The following ARHGEF38 variants were observed in gnomAD, a reference collection of about 807,000 sequenced individuals.
ARHGEF38 encodes Rho guanine nucleotide exchange factor (GEF) 38.
In ARHGEF38, 79 loss-of-function variants were observed where a neutral mutation model predicts 79.9. That is an observed-to-expected ratio of 0.99 (90% confidence interval 0.82 to 1.19). The LOEUF (loss-of-function observed/expected upper bound fraction) is 1.19. Among genes scored for constraint, ARHGEF38 ranks in the 50% most tolerant of loss-of-function variants. The pLI, the probability that ARHGEF38 is intolerant of heterozygous loss-of-function variation, is 0.00. For missense variants in ARHGEF38, 962 were observed against 907.2 expected (o/e 1.06, Z -0.78); for synonymous variants, 366 against 328.3 (o/e 1.11, Z -1.24).
At chr4:105,585,165 C>T (rs1454268537) in intron 1 of ARHGEF38, among the ~76,000 whole-genome samples, 2 of 87,774 alleles carry the variant, frequency 2.3e-5, no homozygotes, top group African/African-American at 5.5e-5. Flanking sequence ...GAGAAAGTAA[C>T]CCTATTTTTC....
intron 1 of ARHGEF38, among the ~76,000 whole-genome samples, chr4:105,560,649 G>C (rs1725472620): frequency 6.6e-6 from 1 of 152,132 alleles, no homozygotes; most frequent in African/African-American, 2.4e-5. Flanking sequence ...CTTGATTAAT[G>C]AATCAGAGAA....
chr4:105,598,542 T>C (rs1280182178), intron 2 of ARHGEF38, among the ~76,000 whole-genome samples: 1 of 152,236 alleles, frequency 6.6e-6, no homozygotes, highest in Non-Finnish European at 1.5e-5. Flanking sequence ...GAAAATGTTA[T>C]ACTCTTGCTG....
chr4:105,615,204 G>A (rs1266369177), intron 3 of ARHGEF38, among the ~76,000 whole-genome samples: 1 of 152,118 alleles, frequency 6.6e-6, no homozygotes. Flanking sequence ...TGCAGAGTAG[G>A]GACTGGCAGC....
chr4:105,637,426 T>C (rs1161525990), intron 5 of ARHGEF38, among the ~76,000 whole-genome samples: 1 of 152,128 alleles, frequency 6.6e-6, no homozygotes, highest in African/African-American at 2.4e-5. Context: ...TTTTCCTTTC[T>C]TTTTTCAAAA....
At position 105,552,929 on chromosome 4, in the gene ARHGEF38, C is replaced by A. The variant is rs1374498799; in HGVS notation, c.164C>A (p.Ser55Tyr). ...DHSGTLRRSQSDRTEYNQKLQ... is the reference protein window; with the variant it reads ...DHSGTLRRSQYDRTEYNQKLQ... ...TCTGGCACCTTGAGGAGGAGCCAAT[C>A]TGACAGGACCGAATACAACCAGAAA... Residue 55 changes from serine (S) to tyrosine (Y), a missense_variant, in exon 1 of 14, where the codon TCT becomes TAT. Coordinates refer to ENST00000420470, the MANE Select transcript of ARHGEF38 (RefSeq NM_001242729.2). 6.2e-7 allele frequency: 1 copy of A among 1,612,540 alleles called. No homozygotes were observed.
intron 13 of ARHGEF38, among the ~76,000 whole-genome samples, chr4:105,677,175 T>G (rs780468259): frequency 6.6e-5 from 10 of 152,076 alleles, no homozygotes; most frequent in Non-Finnish European, 1.2e-4. Flanking sequence ...ACGTTGGTCA[T>G]GCTGGTCTTG....
Position 105,677,983 on chromosome 4 carries a change from C to G in ARHGEF38, c.*46C>G. ...TATTTTCCAGCAAGTTGTTGATTGA[C>G]TACCTCATAAAACTGACATTACAAA... On this transcript the variant is annotated 3_prime_UTR_variant, in exon 14 of 14. Transcript: ENST00000420470. 1.4e-6 allele frequency: 2 copies of G among 1,438,326 alleles called. No homozygotes were observed. Among genetic ancestry groups the G allele is most frequent in the South Asian group, 2.8e-5 (2 of 70,486 alleles). 89.1% of individuals were successfully genotyped at this position (1,438,326 alleles called of 1,614,324 possible). A position where few individuals can be genotyped will look rare whatever the true frequency, so the allele number is the denominator to read the frequency against.
chr4:105,560,033 C>T (rs1430942134), intron 1 of ARHGEF38, among the ~76,000 whole-genome samples: 1 of 152,062 alleles, frequency 6.6e-6, no homozygotes, highest in East Asian at 1.9e-4. Context: ...AACTAGTTGA[C>T]TCAGTAGGTA....
intron 4 of ARHGEF38, chr4:105,631,577 G>T (rs545348957): frequency 1.0e-6 from 1 of 985,252 alleles, no homozygotes; most frequent in African/African-American, 1.7e-5. Context: ...TGGTGGGGGA[G>T]CTACACAATG....
intron 2 of ARHGEF38, among the ~76,000 whole-genome samples, chr4:105,613,148 A>G (rs1728367009): frequency 1.3e-5 from 2 of 152,174 alleles, no homozygotes; most frequent in African/African-American, 4.8e-5. Context: ...GAATATATAG[A>G]TGTATGTTTG....
chr4:105,626,246 C>T lies in ARHGEF38; in HGVS notation c.509-4652C>T, dbSNP rs116307431. Among the ~76,000 whole-genome samples the T allele has an allele frequency of 2.5e-3, 379 of 152,314 alleles. 3 individuals are homozygous for T. The highest frequency in any genetic ancestry group is 8.9e-3 in the African/African-American group (369 of 41,578). ...CCATCAGTGTCTACACCCACATGGT[C>T]ACTTAAACCACAATTCTGGGATATG... On this transcript the variant is annotated intron_variant, in intron 3 of 13. Transcript: ENST00000420470.
At chr4:105,580,294 T>C (rs1039513359) in intron 1 of ARHGEF38, among the ~76,000 whole-genome samples, 1 of 152,180 alleles carries the variant, frequency 6.6e-6, no homozygotes, top group African/African-American at 2.4e-5. Flanking sequence ...TTAGCTCTTT[T>C]ATTTGTGATG....
chr4:105,565,386 A>G (rs1725837081), intron 1 of ARHGEF38, among the ~76,000 whole-genome samples: 1 of 152,222 alleles, frequency 6.6e-6, no homozygotes, highest in Non-Finnish European at 1.5e-5. Flanking sequence ...TTTAAACGAT[A>G]AAAGATTTTA....
At chr4:105,591,500 A>T (rs1727337458) in intron 2 of ARHGEF38, among the ~76,000 whole-genome samples, 1 of 152,220 alleles carries the variant, frequency 6.6e-6, no homozygotes, top group East Asian at 1.9e-4. Context: ...AAGTGCTGGG[A>T]TTACAGGCGT....
intron 1 of ARHGEF38, among the ~76,000 whole-genome samples, chr4:105,554,392 T>C (rs1481328517): frequency 6.6e-6 from 1 of 152,186 alleles, no homozygotes; most frequent in Non-Finnish European, 1.5e-5. Flanking sequence ...GTATCTATTG[T>C]TGCCACCTTT....
chr4:105,666,142 G>A (rs1730740345), intron 10 of ARHGEF38, 35 bp from the exon 11 acceptor site: 2 of 1,490,418 alleles, frequency 1.3e-6, no homozygotes, highest in East Asian at 2.5e-5. Flanking sequence ...TTATCTAGGT[G>A]TCTGGAAACA....
chr4:105,589,454 T>C lies in ARHGEF38; in HGVS notation c.384+19T>C. The C allele has an allele frequency of 6.4e-7, 1 of 1,567,716 alleles. No homozygotes were observed. ...TAAAAAGGTAAATATATATTTGAGATTTTTTTTTCTCTCCCATATCATAAA... is the reference window on the plus strand; with the variant it reads ...TAAAAAGGTAAATATATATTTGAGACTTTTTTTTCTCTCCCATATCATAAA... On this transcript the variant is annotated intron_variant, in intron 2 of 13. Transcript: ENST00000420470.
intron 3 of ARHGEF38, among the ~76,000 whole-genome samples, chr4:105,622,028 C>G (rs1445091738): frequency 6.6e-6 from 1 of 152,156 alleles, no homozygotes; most frequent in African/African-American, 2.4e-5. Flanking sequence ...AAGCAGGTAC[C>G]AGGCTGTAAC....
intron 10 of ARHGEF38, among the ~76,000 whole-genome samples, chr4:105,662,904 T>C (rs1578359631): frequency 6.6e-6 from 1 of 152,184 alleles, no homozygotes; most frequent in South Asian, 2.1e-4. Flanking sequence ...TTGCAGTCCA[T>C]AGCCAAACAA....
Sources: allele counts gnomAD v4.1 joint callset (sites outside exome capture counted in the v4.1 genomes callset), GRCh38; gene constraint gnomAD v4.1.1; transcripts MANE v1.5; gene names NCBI Gene and HGNC (gene_info 2026-07-23, HGNC 2026-07-21).